The following VPS51 variants were observed in gnomAD, a reference collection of about 807,000 sequenced individuals.
VPS51 encodes VPS51 subunit of GARP complex.
A neutral mutation model predicts 65.1 loss-of-function variants in VPS51; 55 were observed. That is an observed-to-expected ratio of 0.84 (90% CI 0.68 to 1.06). The LOEUF (loss-of-function observed/expected upper bound fraction) is 1.06. VPS51 is among the 50% of genes least tolerant of loss of function. The probability of loss-of-function intolerance (pLI) is 0.00; values close to 1 mark genes in which losing one functional copy is unlikely to be tolerated. For missense variants in VPS51, 943 were observed against 1,101.6 expected (o/e 0.86, Z 2.04); for synonymous variants, 473 against 489.5 (o/e 0.97, Z 0.44).
In VPS51 at chr11:65,107,574, C is replaced by T. The variant is rs1457206078; in HGVS notation, c.359-7C>T. 6.3e-7 allele frequency: 1 copy of T among 1,578,454 alleles called. No homozygotes were observed. The highest frequency in any genetic ancestry group is 1.7e-5 in the Admixed American group (1 of 58,794). On this transcript the variant is annotated splice_polypyrimidine_tract_variant and splice_region_variant and intron_variant, in intron 2 of 9. Transcript: ENST00000279281. This position sits in a 1 kb window ranked among gnomAD's most constrained non-coding sequence, Gnocchi z 4.0. ...CTCTCCCCTTTTCCCCGCCCCTGCCCTCCTAGACACCATCCGGAAGATGAA... is the reference window on the plus strand; with the variant it reads ...CTCTCCCCTTTTCCCCGCCCCTGCCTTCCTAGACACCATCCGGAAGATGAA...
At chr11:65,106,915 AAAGAGG>A (rs1947845753) in intron 2 of VPS51, among the ~76,000 whole-genome samples, 1 of 152,134 alleles carries the variant, frequency 6.6e-6, no homozygotes, top group South Asian at 2.1e-4. Flanking sequence ...TAGAGACAGC[AAAGAGG>A]AGGGTTGTGG....
chr11:65,111,308 C>T lies in VPS51; in HGVS notation c.2089-19C>T. On this transcript the variant is annotated intron_variant, in intron 9 of 9. Coordinates refer to ENST00000279281, the MANE Select transcript of VPS51 (RefSeq NM_013265.4). ...ACACCTGCAGTCCCCAAGCTGCATC[C>T]CTGTGTCCCTGCCTGCAGGTGTCGG... 1 of 1,600,410 alleles carries T rather than the reference C, an allele frequency of 6.2e-7. No individual in the cohort carries two copies. Among genetic ancestry groups the T allele is most frequent in the Non-Finnish European group, 8.5e-7 (1 of 1,179,730 alleles).
At chr11:65,098,817 G>T (rs1240053999) in intron 2 of VPS51, among the ~76,000 whole-genome samples, 2 of 152,176 alleles carry the variant, frequency 1.3e-5, no homozygotes, top group Non-Finnish European at 2.9e-5. Flanking sequence ...TTGAGACTTA[G>T]CTCTTTTTGT....
chr11:65,108,830 C>T lies in VPS51; in HGVS notation c.1359C>T (p.Ile453=), dbSNP rs761738641. 6.2e-6 allele frequency: 10 copies of T among 1,612,868 alleles called. No homozygotes were observed. Among genetic ancestry groups the T allele is most frequent in the Non-Finnish European group, 5.9e-6 (7 of 1,180,030 alleles). Residue 453 remains isoleucine, a synonymous_variant, in exon 5 of 10, where the codon ATC becomes ATT. Coordinates refer to ENST00000279281, the MANE Select transcript of VPS51 (RefSeq NM_013265.4). ...TGCTGGCCAATGTGGCCAGCTCCAT[C>T]CTGAGCCACATTAAGGCCTCTCTGG... ...AELLANVASS[I]LSHIKASLAA...
chr11:65,098,728 A>G (rs1370338197), intron 2 of VPS51, among the ~76,000 whole-genome samples: 1 of 152,224 alleles, frequency 6.6e-6, no homozygotes, highest in East Asian at 1.9e-4. Context: ...AAGAAATCAT[A>G]GTTTCTGTGC....
intron 2 of VPS51, among the ~76,000 whole-genome samples, chr11:65,100,661 G>T (rs1055880718): frequency 6.6e-6 from 1 of 151,196 alleles, no homozygotes; most frequent in Non-Finnish European, 1.5e-5. Context: ...CTCCTGAGTA[G>T]CTGGGATTAT....
In VPS51 at chr11:65,108,873, A is replaced by G. The variant is rs1271453162; in HGVS notation, c.1402A>G (p.Thr468Ala). Residue 468 changes from threonine (T) to alanine (A), a missense_variant, in exon 5 of 10, where the codon ACC becomes GCC. By Grantham distance (58) the Thr-to-Ala change is moderately conservative. Around this residue, in one of 2 missense-constraint regions of VPS51, gnomAD observed 855 missense variants for 953.7 expected, o/e 0.90. Coordinates refer to ENST00000279281, the MANE Select transcript of VPS51 (RefSeq NM_013265.4). ...KASLAAVHLF[T>A]AKEVSFSNKP... ...CTCTCTGGCAGCAGTGCACCTTTTC[A>G]CCGCCAAAGAGGTGTCCTTCTCCAA... 2 of 1,612,772 alleles carry G rather than the reference A, an allele frequency of 1.2e-6. No individual in the cohort carries two copies. Among genetic ancestry groups the G allele is most frequent in the East Asian group, 2.2e-5 (1 of 44,888 alleles).
Position 65,096,497 on chromosome 11 carries a change from T to TTGG in VPS51, c.228+19_228+20insTGG. On this transcript the variant is annotated intron_variant, in intron 1 of 9. Transcript: ENST00000279281. ...AGACAAGGTGTGTGCGCACGGGGAG[T>TTGG]GGGGGGGTGCGGGGAGGGGGGAAGG... 3.2e-6 allele frequency: 2 copies of TTGG among 628,486 alleles called. No homozygotes were observed. The highest frequency in any genetic ancestry group is 4.9e-6 in the Non-Finnish European group (2 of 409,808). 38.9% of individuals were successfully genotyped at this position (628,486 alleles called of 1,614,324 possible). A position where few individuals can be genotyped will look rare whatever the true frequency, so the allele number is the denominator to read the frequency against.
intron 2 of VPS51, among the ~76,000 whole-genome samples, chr11:65,102,017 C>CTTTTTTT (rs990847395): frequency 1.6e-5 from 2 of 121,908 alleles, no homozygotes; most frequent in Non-Finnish European, 3.4e-5. Flanking sequence ...TCTTAACAAG[C>CTTTTTTT]TTTTTTTTTT....
intron 2 of VPS51, among the ~76,000 whole-genome samples, chr11:65,104,306 C>T (rs1947828339): frequency 6.6e-6 from 1 of 152,120 alleles, no homozygotes; most frequent in East Asian, 1.9e-4. Flanking sequence ...TAATACATCT[C>T]GTGACTCTAG....
Position 65,110,506 on chromosome 11 carries a change from G to A in VPS51, c.1903G>A (p.Val635Ile), listed in dbSNP as rs115159943. ...VQVGLLYEEG[V>I]RKAQSSDSSK... ...GGTGGGGCTCCTGTACGAAGAGGGTGTTCGCAAGGCCCAGAGCAGCGACTC... is the reference window on the plus strand; with the variant it reads ...GGTGGGGCTCCTGTACGAAGAGGGTATTCGCAAGGCCCAGAGCAGCGACTC... The change falls in exon 8 of 10, where the codon GTT (valine) becomes ATT (isoleucine). Residue 635 changes from valine (V) to isoleucine (I), a missense_variant. Coordinates refer to ENST00000279281, the MANE Select transcript of VPS51 (RefSeq NM_013265.4). The A allele has an allele frequency of 4.4e-4, 705 of 1,613,934 alleles. 2 individuals are homozygous for A. The African/African-American group carries it at 8.5e-3, about 19-fold the overall frequency.
chr11:65,101,674 G>T (rs1947808553), intron 2 of VPS51, among the ~76,000 whole-genome samples: 2 of 141,474 alleles, frequency 1.4e-5, no homozygotes, highest in Admixed American at 7.9e-5. Context: ...AGCTGAGGTG[G>T]AAGGCTTGTA....
intron 6 of VPS51, 71 bp from the exon 7 acceptor site, chr11:65,109,634 C>T: frequency 6.6e-7 from 1 of 1,515,506 alleles, no homozygotes; most frequent in Non-Finnish European, 8.9e-7. Flanking sequence ...GTGCCCAGCT[C>T]CTGGTTGGCA....
In VPS51 at chr11:65,107,394, A is replaced by G; in HGVS notation, c.359-187A>G. 1 of 687,492 alleles carries G rather than the reference A, an allele frequency of 1.5e-6. No individual in the cohort carries two copies. Among genetic ancestry groups the G allele is most frequent in the Admixed American group, 2.6e-5 (1 of 38,216 alleles). The allele number at this position is 687,492 out of a possible 1,614,324, so 42.6% of individuals were successfully genotyped here. ...GTATGTGAGTAACGCCTGCTTTGGGAACATAAACCCCCTCCCCCGCCCCCA... is the reference window on the plus strand; with the variant it reads ...GTATGTGAGTAACGCCTGCTTTGGGGACATAAACCCCCTCCCCCGCCCCCA... On this transcript the variant is annotated intron_variant, in intron 2 of 9. Coordinates refer to ENST00000279281, the MANE Select transcript of VPS51 (RefSeq NM_013265.4). This position sits in a 1 kb window ranked among gnomAD's most constrained non-coding sequence, Gnocchi z 4.0.
chr11:65,111,740 C>A lies in VPS51; in HGVS notation c.*153C>A. 1 of 1,325,728 alleles carries A rather than the reference C, an allele frequency of 7.5e-7. No individual in the cohort carries two copies. The highest frequency in any genetic ancestry group is 1.0e-6 in the Non-Finnish European group (1 of 1,000,014). The allele number at this position is 1,325,728 out of a possible 1,614,324, so 82.1% of individuals were successfully genotyped here. A position where few individuals can be genotyped will look rare whatever the true frequency, so the allele number is the denominator to read the frequency against. On this transcript the variant is annotated 3_prime_UTR_variant, in exon 10 of 10. Coordinates refer to ENST00000279281, the MANE Select transcript of VPS51 (RefSeq NM_013265.4). Reference sequence around the variant, plus strand: ...CTTGCTGGGCGGGCCTTTCCGGGGGCGGGGTTTTGAAGCTGAGGCTTCTGA... The same window carrying A: ...CTTGCTGGGCGGGCCTTTCCGGGGGAGGGGTTTTGAAGCTGAGGCTTCTGA...
intron 5 of VPS51, 161 bp from the exon 6 acceptor site, chr11:65,109,119 C>A: frequency 9.7e-7 from 1 of 1,027,342 alleles, no homozygotes; most frequent in Non-Finnish European, 1.4e-6. Context: ...TGTTGGCTTT[C>A]TCTGCCCCCA....
At chr11:65,103,145 C>T (rs543963607) in intron 2 of VPS51, among the ~76,000 whole-genome samples, 3 of 152,296 alleles carry the variant, frequency 2.0e-5, no homozygotes, top group African/African-American at 4.8e-5. Flanking sequence ...CTGTAACCTC[C>T]GCCTCCCCAG....
rs768332104 is a variant in VPS51 at position 65,109,422 on chromosome 11, G to A, written c.1586G>A (p.Arg529His). The A allele has an allele frequency of 8.7e-6, 14 of 1,610,538 alleles. No homozygotes were observed. The highest frequency in any genetic ancestry group is 2.2e-5 in the East Asian group (1 of 44,894). ...TPPALLLLLS[R>H]LCLDYETATI... Reference sequence around the variant, plus strand: ...CCTGCCCTGCTCCTGCTGCTCTCCCGCCTCTGCCTGGACTACGAGACGGCC... The same window carrying A: ...CCTGCCCTGCTCCTGCTGCTCTCCCACCTCTGCCTGGACTACGAGACGGCC... The change falls in exon 6 of 10, where the codon CGC (arginine) becomes CAC (histidine). Residue 529 changes from arginine (R) to histidine (H), a missense_variant. Arg to His is a conservative substitution (Grantham distance 29). Transcript: ENST00000279281.
Position 65,109,715 on chromosome 11 carries a change from C to T in VPS51, c.1670C>T (p.Pro557Leu). 1.3e-6 allele frequency: 2 copies of T among 1,570,344 alleles called. No individual in the cohort carries two copies. The highest frequency in any genetic ancestry group is 1.7e-6 in the Non-Finnish European group (2 of 1,157,336). Residue 557 changes from proline (P) to leucine (L), a missense_variant, in exon 7 of 10, where the codon CCA becomes CTA. Pro to Leu is a moderately conservative substitution (Grantham distance 98, BLOSUM62 -3). Transcript: ENST00000279281. ...GCCTCCTTGGCTCAGGATCAGTTCCCAGTGACGCCCGTGAGCACGCTGTGT... is the reference window on the plus strand; with the variant it reads ...GCCTCCTTGGCTCAGGATCAGTTCCTAGTGACGCCCGTGAGCACGCTGTGT... ...DEQFLVQDQF[P>L]VTPVSTLCAE...
Sources: gnomAD v4.1 joint callset for allele counts (sites outside exome capture counted in the v4.1 genomes callset) on GRCh38, gnomAD v4.1.1 for gene constraint, gnomAD v4.1.1 regional missense constraint, Gnocchi (gnomAD v3.1) non-coding constraint, MANE v1.5 for transcripts, NCBI Gene and HGNC (gene_info 2026-07-23, HGNC 2026-07-21) for gene names.